The following OAF variants were observed in gnomAD, a reference collection of about 807,000 sequenced individuals.
The protein encoded by OAF is out at first protein homolog.
In OAF, 13 loss-of-function variants were observed where a neutral mutation model predicts 22.5. That is an observed-to-expected ratio of 0.58 (90% CI 0.38 to 0.92). The LOEUF is 0.92. Among genes scored for constraint, OAF ranks in the 40% least tolerant of loss-of-function variants. The pLI, the probability that OAF is intolerant of heterozygous loss-of-function variation, is 0.00. For synonymous variants in OAF, 175 were observed against 170.5 expected, an observed-to-expected ratio of 1.03 and a Z score of -0.21; for missense variants, 347 against 381.8, an observed-to-expected ratio of 0.91 and a Z score of 0.76.
chr11:120,221,790 C>T (rs1938282958), intron 1 of OAF, among the ~76,000 whole-genome samples: 1 of 152,202 alleles, frequency 6.6e-6, no homozygotes, highest in Non-Finnish European at 1.5e-5. Context: ...GGCCCAGATC[C>T]TGGCCCTGGA....
At chr11:120,227,922 C>T (rs1938383310) in intron 3 of OAF, among the ~76,000 whole-genome samples, 2 of 152,204 alleles carry the variant, frequency 1.3e-5, no homozygotes, top group South Asian at 4.2e-4. Flanking sequence ...AAGCTGGCCC[C>T]TCCCATACAG....
intron 1 of OAF, among the ~76,000 whole-genome samples, chr11:120,221,644 A>G (rs1214254314): frequency 6.6e-6 from 1 of 152,222 alleles, no homozygotes; most frequent in Non-Finnish European, 1.5e-5. Context: ...GGATCTGAAC[A>G]TGGGTAACAC....
chr11:120,217,785 G>A (rs777663996), intron 1 of OAF, among the ~76,000 whole-genome samples: 1 of 152,224 alleles, frequency 6.6e-6, no homozygotes, highest in African/African-American at 2.4e-5. Flanking sequence ...ACAGAGGCCC[G>A]CGTGGGCATG....
chr11:120,226,742 C>T (rs1346030482), intron 2 of OAF, 74 bp from the exon 3 acceptor site: 13 of 1,419,614 alleles, frequency 9.2e-6, no homozygotes, highest in East Asian at 2.3e-5. Context: ...GCTCGCCTGA[C>T]TCTGGAGGGT....
intron 1 of OAF, among the ~76,000 whole-genome samples, chr11:120,222,487 CG>C (rs1163188493): frequency 1.3e-5 from 2 of 149,650 alleles, no homozygotes; most frequent in Non-Finnish European, 1.5e-5. Flanking sequence ...GCCTGGGAGG[CG>C]GAAGTTGCAG....
chr11:120,216,911 A>G (rs539953391), intron 1 of OAF, among the ~76,000 whole-genome samples: 1 of 152,194 alleles, frequency 6.6e-6, no homozygotes, highest in Non-Finnish European at 1.5e-5. Context: ...CTCATGTCAC[A>G]CATGCTCTTA....
chr11:120,223,739 C>T (rs1938312141), intron 1 of OAF, among the ~76,000 whole-genome samples: 2 of 152,220 alleles, frequency 1.3e-5, no homozygotes, highest in Admixed American at 1.3e-4. Context: ...CCGGATATTT[C>T]CTGCACCTGC....
intron 3 of OAF, among the ~76,000 whole-genome samples, chr11:120,227,202 A>C (rs1298150603): frequency 6.6e-6 from 1 of 152,190 alleles, no homozygotes; most frequent in Non-Finnish European, 1.5e-5. Context: ...GTAGACACTC[A>C]GTTCCTGTCC....
At position 120,211,441 on chromosome 11, in the gene OAF, G is replaced by T; in HGVS notation, c.162G>T (p.Ala54=). The change falls in exon 1 of 4, where the codon GCG becomes GCT. Residue 54 remains alanine (A), a synonymous_variant. Transcript: ENST00000328965. ...AGAGCCTGCAGGCGGACAGCGACGCGGACAGCATCAGCCTCGAGCTGCGCA... is the reference window on the plus strand; with the variant it reads ...AGAGCCTGCAGGCGGACAGCGACGCTGACAGCATCAGCCTCGAGCTGCGCA... ...TEESLQADSD[A]DSISLELRKP... The T allele has an allele frequency of 6.4e-7, 1 of 1,565,134 alleles. No individual in the cohort carries two copies. The highest frequency in any genetic ancestry group is 8.6e-7 in the Non-Finnish European group (1 of 1,158,884).
chr11:120,212,621 T>C (rs1315728965), intron 1 of OAF, among the ~76,000 whole-genome samples: 1 of 151,342 alleles, frequency 6.6e-6, no homozygotes, highest in African/African-American at 2.4e-5. Context: ...CTGCCTGTCT[T>C]TCCTCCCTCG....
At position 120,211,373 on chromosome 11, in the gene OAF, C is replaced by T; in HGVS notation, c.94C>T (p.Leu32=). ...PLLGTGAPAE[L]RVRVRLPDGQ... ...GCTGGGAACGGGTGCGCCGGCCGAG[C>T]TGCGGGTCCGCGTGCGGCTGCCGGA... The change falls in exon 1 of 4, where the codon CTG becomes TTG. Residue 32 remains leucine, a synonymous_variant. Coordinates refer to ENST00000328965, the MANE Select transcript of OAF (RefSeq NM_178507.4). The T allele has an allele frequency of 6.9e-7, 1 of 1,458,298 alleles. No homozygotes were observed. The highest frequency in any genetic ancestry group is 9.1e-7 in the Non-Finnish European group (1 of 1,095,792). 90.3% of individuals were successfully genotyped at this position (1,458,298 alleles called of 1,614,324 possible).
chr11:120,225,396 C>T (rs751454986), intron 1 of OAF, among the ~76,000 whole-genome samples: 7 of 152,178 alleles, frequency 4.6e-5, no homozygotes, highest in Non-Finnish European at 7.3e-5. Context: ...TTAAGGGGTT[C>T]TGCCGAGAGG....
At chr11:120,213,695 C>G (rs1315969076) in intron 1 of OAF, 1 of 152,218 alleles carries the variant, frequency 6.6e-6, no homozygotes, top group Non-Finnish European at 1.5e-5. Flanking sequence ...TGGGTCACCT[C>G]TCAGTTCTCA....
rs1207269043 is a variant in OAF, at chr11:120,211,238, C to G, written c.-42C>G. ...GTTTGCCTGCGCCTCTCCCCGCCCC[C>G]ACGCGGCGCGCCGGGGCCGCGGACG... is the stretch of plus-strand genomic sequence containing the variant. On this transcript the variant is annotated 5_prime_UTR_variant, in exon 1 of 4. Transcript: ENST00000328965. 3.4e-6 allele frequency: 4 copies of G among 1,162,160 alleles called. No homozygotes were observed. Among genetic ancestry groups the G allele is most frequent in the African/African-American group, 1.6e-5 (1 of 61,664 alleles). The allele number at this position is 1,162,160 out of a possible 1,614,324, so 72.0% of individuals were successfully genotyped here.
chr11:120,216,572 A>C (rs1938215443), intron 1 of OAF, among the ~76,000 whole-genome samples: 1 of 152,174 alleles, frequency 6.6e-6, no homozygotes, highest in African/African-American at 2.4e-5. Flanking sequence ...TCTGCGTGTG[A>C]GGAATTCCTC....
chr11:120,213,776 A>G (rs191405721), intron 1 of OAF: 4 of 152,216 alleles, frequency 2.6e-5, no homozygotes, highest in African/African-American at 4.8e-5. Flanking sequence ...GATTTTTCCT[A>G]TAAGAAAAAG....
chr11:120,223,252 T>C (rs906992177), intron 1 of OAF, among the ~76,000 whole-genome samples: 1 of 152,226 alleles, frequency 6.6e-6, no homozygotes, highest in Non-Finnish European at 1.5e-5. Context: ...TTATGGATTC[T>C]GGTTAAGAGA....
At position 120,228,977 on chromosome 11, in the gene OAF, C is replaced by T; in HGVS notation, c.657C>T (p.Gly219=). Residue 219 remains glycine, a synonymous_variant, in exon 4 of 4, where the codon GGC becomes GGT. Transcript: ENST00000328965. ...DHGKPCVCRY[G]LSLAWYPCML... ...GGAAGCCCTGCGTCTGCCGCTATGG[C>T]CTGAGCCTGGCCTGGTACCCCTGCA... 5.6e-6 allele frequency: 9 copies of T among 1,613,238 alleles called. No individual in the cohort carries two copies. Among genetic ancestry groups the T allele is most frequent in the Non-Finnish European group, 7.6e-6 (9 of 1,179,978 alleles).
chr11:120,212,255 TGG>T (rs1938159232), intron 1 of OAF, among the ~76,000 whole-genome samples: 1 of 3,294 alleles, frequency 3.0e-4, no homozygotes, highest in African/African-American at 1.4e-3. Context: ...GGTGGGTGGG[TGG>T]GTGGGTGGGT....
Sources: allele counts gnomAD v4.1 joint callset (sites outside exome capture counted in the v4.1 genomes callset), GRCh38; gene constraint gnomAD v4.1.1; transcripts MANE v1.5; gene names NCBI Gene and HGNC (gene_info 2026-07-23, HGNC 2026-07-21).